The following MOB3B variants were observed in gnomAD, a reference collection of about 807,000 sequenced individuals.
MOB3B encodes the protein MOB kinase activator-like 2B.
In MOB3B, 7 loss-of-function variants were observed where a neutral mutation model predicts 18.7. That is an observed-to-expected ratio of 0.37 (90% CI 0.21 to 0.70). The LOEUF is 0.70. MOB3B is among the 30% of genes least tolerant of loss of function. MOB3B has a pLI of 0.52. For missense variants in MOB3B, 253 were observed against 281.3 expected, an observed-to-expected ratio of 0.90 and a Z score of 0.72; for synonymous variants, 111 against 99.9, an observed-to-expected ratio of 1.11 and a Z score of -0.66.
chr9:27,503,654 C>T (rs1177070004), intron 1 of MOB3B, among the ~76,000 whole-genome samples: 2 of 152,248 alleles, frequency 1.3e-5, no homozygotes, highest in East Asian at 3.8e-4. Flanking sequence ...GCACCAGAAT[C>T]ATAGAATAAT....
chr9:27,414,204 C>T (rs1031038740), intron 2 of MOB3B, among the ~76,000 whole-genome samples: 2 of 152,196 alleles, frequency 1.3e-5, no homozygotes, highest in African/African-American at 4.8e-5. Flanking sequence ...CCAACTTCTA[C>T]ATATACGATT....
chr9:27,355,708 C>T (rs992456778), intron 3 of MOB3B, among the ~76,000 whole-genome samples: 9 of 151,388 alleles, frequency 5.9e-5, no homozygotes, highest in South Asian at 2.1e-4. Flanking sequence ...TACAGGCACC[C>T]GCCACCGTGC....
chr9:27,401,759 G>T (rs1012414423), intron 2 of MOB3B, among the ~76,000 whole-genome samples: 1 of 152,090 alleles, frequency 6.6e-6, no homozygotes, highest in Admixed American at 6.5e-5. Flanking sequence ...GAAAGCAAAA[G>T]AAAAACATAC....
At chr9:27,336,863 C>T (rs1820871548) in intron 3 of MOB3B, among the ~76,000 whole-genome samples, 1 of 152,132 alleles carries the variant, frequency 6.6e-6, no homozygotes, top group Non-Finnish European at 1.5e-5. Flanking sequence ...TCCAATCATG[C>T]AGCTTCATCA....
intron 1 of MOB3B, among the ~76,000 whole-genome samples, chr9:27,470,101 C>T (rs575245153): frequency 8.2e-6 from 1 of 121,924 alleles, no homozygotes; most frequent in African/African-American, 3.2e-5. Context: ...GAGTGAGACC[C>T]TGTCTCTTAA....
At chr9:27,376,957 C>A (rs1165454844) in intron 2 of MOB3B, among the ~76,000 whole-genome samples, 1 of 152,190 alleles carries the variant, frequency 6.6e-6, no homozygotes, top group African/African-American at 2.4e-5. Flanking sequence ...TTTACAGAAT[C>A]TGGTGTCTGA....
intron 2 of MOB3B, among the ~76,000 whole-genome samples, chr9:27,451,180 A>G (rs1194577389): frequency 1.3e-5 from 2 of 152,196 alleles, no homozygotes; most frequent in Non-Finnish European, 2.9e-5. Context: ...CATAAAAATT[A>G]CTGTAATTAG....
At chr9:27,386,509 A>C (rs1305079536) in intron 2 of MOB3B, among the ~76,000 whole-genome samples, 1 of 152,196 alleles carries the variant, frequency 6.6e-6, no homozygotes, top group Admixed American at 6.5e-5. Flanking sequence ...AGCACGAATA[A>C]TTTTTTTCTT....
At chr9:27,416,697 C>A (rs1401511963) in intron 2 of MOB3B, among the ~76,000 whole-genome samples, 1 of 145,334 alleles carries the variant, frequency 6.9e-6, no homozygotes, top group East Asian at 2.7e-4. Context: ...CCATGCCCAG[C>A]CAATTTTTAA....
chr9:27,398,172 C>T (rs1320217791), intron 2 of MOB3B, among the ~76,000 whole-genome samples: 3 of 152,182 alleles, frequency 2.0e-5, no homozygotes, highest in Admixed American at 6.5e-5. Context: ...ATCTTCATTT[C>T]ATTGTGGAGA....
At position 27,516,710 on chromosome 9, in the gene MOB3B, T is replaced by A. The variant is rs573671213; in HGVS notation, c.-199+12845A>T. Among the ~76,000 whole-genome samples, 4 of 152,332 alleles carry A rather than the reference T, an allele frequency of 2.6e-5. No individual in the cohort carries two copies. The South Asian group carries it at 6.2e-4, about 24-fold the overall frequency. On this transcript the variant is annotated intron_variant, in intron 1 of 3. Transcript: ENST00000262244. Reference sequence around the variant, plus strand: ...TGCTGCCCACTGTAACATAGCATATTCTTAGGGTTCTGACACAGACCCACT... The same window carrying A: ...TGCTGCCCACTGTAACATAGCATATACTTAGGGTTCTGACACAGACCCACT...
At chr9:27,440,393 T>C (rs1176218841) in intron 2 of MOB3B, among the ~76,000 whole-genome samples, 2 of 150,730 alleles carry the variant, frequency 1.3e-5, no homozygotes, top group Non-Finnish European at 3.0e-5. Flanking sequence ...TTTTTTTTTT[T>C]CCATAATAGC....
At chr9:27,456,759 T>A (rs1027042531) in intron 1 of MOB3B, among the ~76,000 whole-genome samples, 1 of 152,224 alleles carries the variant, frequency 6.6e-6, no homozygotes, top group Non-Finnish European at 1.5e-5. Flanking sequence ...AAATGTGTTA[T>A]ATCTATGGTG....
At chr9:27,376,890 A>C (rs1821497249) in intron 2 of MOB3B, among the ~76,000 whole-genome samples, 1 of 152,244 alleles carries the variant, frequency 6.6e-6, no homozygotes, top group Non-Finnish European at 1.5e-5. Flanking sequence ...ACAGGCCTAG[A>C]ATATTCCTGG....
At chr9:27,432,655 G>A (rs912023547) in intron 2 of MOB3B, among the ~76,000 whole-genome samples, 2 of 152,120 alleles carry the variant, frequency 1.3e-5, no homozygotes, top group Non-Finnish European at 2.9e-5. Flanking sequence ...AGAGGATCCT[G>A]GAAGTTGTCT....
chr9:27,334,549 A>G (rs1820835529), intron 3 of MOB3B, among the ~76,000 whole-genome samples: 2 of 152,184 alleles, frequency 1.3e-5, no homozygotes, highest in South Asian at 4.2e-4. Context: ...TTAAATTTAA[A>G]TCTTCTTTAT....
chr9:27,399,338 C>T (rs1012157948), intron 2 of MOB3B, among the ~76,000 whole-genome samples: 1 of 152,166 alleles, frequency 6.6e-6, no homozygotes, highest in Non-Finnish European at 1.5e-5. Flanking sequence ...CATACCTGTG[C>T]CACACTGGGC....
At chr9:27,498,340 G>C (rs1819932648) in intron 1 of MOB3B, among the ~76,000 whole-genome samples, 2 of 152,288 alleles carry the variant, frequency 1.3e-5, no homozygotes, top group African/African-American at 4.8e-5. Context: ...GGTGAGCATT[G>C]TTTAATTGGC....
intron 2 of MOB3B, among the ~76,000 whole-genome samples, chr9:27,395,453 T>TA (rs1563858105): frequency 4.3e-4 from 64 of 150,442 alleles, no homozygotes; most frequent in East Asian, 1.2e-3. Context: ...AATAGATTTT[T>TA]TAAAAAAAAA....
Sources: allele counts gnomAD v4.1 joint callset (sites outside exome capture counted in the v4.1 genomes callset), GRCh38; gene constraint gnomAD v4.1.1; transcripts MANE v1.5; gene names NCBI Gene and HGNC (gene_info 2026-07-23, HGNC 2026-07-21).